TGM3: variants seen among roughly 807,000 people sequenced by gnomAD.
The protein encoded by TGM3 is transglutaminase 3.
TGM3 carries 52 observed loss-of-function variants against 73.8 expected under a neutral mutation model. That is an observed-to-expected ratio of 0.70 (90% confidence interval 0.56 to 0.89). The LOEUF is 0.89. Among genes scored for constraint, TGM3 ranks in the 40% least tolerant of loss-of-function variants. The probability of loss-of-function intolerance (pLI) is 0.00; values close to 1 mark genes in which losing one functional copy is unlikely to be tolerated. For missense variants in TGM3, 928 were observed against 909.9 expected (o/e 1.02, Z -0.26); for synonymous variants, 372 against 354.9 (o/e 1.05, Z -0.54).
chr20:2,340,510 C>T lies in TGM3; in HGVS notation c.2011C>T (p.Leu671=). The change falls in exon 13 of 13, where the codon CTG becomes TTG. Residue 671 remains leucine, a synonymous_variant. Coordinates refer to ENST00000381458, the MANE Select transcript of TGM3 (RefSeq NM_003245.4). ...GCCCTCCCGGAGTGGCACCAAGCAA[C>T]TGCTCGCCGACTTCTCCTGCAACAA... The part of the protein sequence containing the change: ...ILPSRSGTKQ[L]LADFSCNKFP... 1 of 1,614,216 alleles carries T rather than the reference C, an allele frequency of 6.2e-7. No homozygotes were observed. The highest frequency in any genetic ancestry group is 8.5e-7 in the Non-Finnish European group (1 of 1,180,036).
rs577908740 is a variant in TGM3 at position 2,334,673 on chromosome 20, A to G, written c.1643-443A>G. On this transcript the variant is annotated intron_variant, in intron 10 of 12. Transcript: ENST00000381458. The surrounding 1 kb of genome is among the most constrained non-coding windows in gnomAD (Gnocchi z 4.0). The stretch of plus-strand genomic sequence containing the variant: ...CAGAAGGACACTTGTGGCTGGGAGC[A>G]GTGCTCACGCCTGTAATCCCAACAC... Among the ~76,000 whole-genome samples the G allele has an allele frequency of 3.7e-4, 56 of 152,292 alleles. 1 individual carries two copies. Among genetic ancestry groups the G allele is most frequent in the African/African-American group, 1.2e-3 (50 of 41,560 alleles).
In TGM3 at chr20:2,335,205, G is replaced by T. The variant is rs768036691; in HGVS notation, c.1732G>T (p.Val578Phe). The T allele has an allele frequency of 1.5e-5, 25 of 1,614,206 alleles. No homozygotes were observed. The South Asian group carries it at 2.6e-4, about 17-fold the overall frequency. Residue 578 changes from valine to phenylalanine, a missense_variant, in exon 11 of 13, where the codon GTC becomes TTC. Val to Phe is a conservative substitution (Grantham distance 50). Transcript: ENST00000381458. ...GATCCGGATCACAGCGGTGTGCAAG[G>T]TCCCAGATGAGTCTGAGGTGGTGGT... ...NMIRITAVCKVPDESEVVVER... is the reference protein window; with the variant it reads ...NMIRITAVCKFPDESEVVVER...
intron 7 of TGM3, among the ~76,000 whole-genome samples, chr20:2,318,273 C>A (rs1337231358): frequency 6.6e-6 from 1 of 152,192 alleles, no homozygotes; most frequent in Non-Finnish European, 1.5e-5. Flanking sequence ...CCTGCCTCAG[C>A]TTCCCAAAGT....
rs2084302697 is a variant in TGM3 at position 2,328,437 on chromosome 20, G to A, written c.1333+72G>A. On this transcript the variant is annotated intron_variant, in intron 9 of 12. Transcript: ENST00000381458. This position sits in a 1 kb window ranked among gnomAD's most constrained non-coding sequence, Gnocchi z 5.2. ...GGAGGATGGCTCTGAGGCTGGAGAGGAGAAAAGTCCTCACCTCCCCCGCAC... is the reference window on the plus strand; with the variant it reads ...GGAGGATGGCTCTGAGGCTGGAGAGAAGAAAAGTCCTCACCTCCCCCGCAC... 1.3e-6 allele frequency: 2 copies of A among 1,587,212 alleles called. No homozygotes were observed. The highest frequency in any genetic ancestry group is 3.4e-5 in the Admixed American group (2 of 58,470).
At position 2,300,195 on chromosome 20, in the gene TGM3, T is replaced by G. The variant is rs1345135156; in HGVS notation, c.7+4125T>G. On this transcript the variant is annotated intron_variant, in intron 1 of 12. Transcript: ENST00000381458. Reference sequence around the variant, plus strand: ...GAAAAGAAAGAGAAAGAGAAAGAAATAGAAAGAGAAAGAAAGAAAGAGAAG... The same window carrying G: ...GAAAAGAAAGAGAAAGAGAAAGAAAGAGAAAGAGAAAGAAAGAAAGAGAAG... 1.6e-3 allele frequency among the ~76,000 whole-genome samples: 150 copies of G among 94,230 alleles called. 2 individuals carry two copies. Among genetic ancestry groups the G allele is most frequent in the African/African-American group, 5.0e-3 (117 of 23,530 alleles). 61.8% of individuals were successfully genotyped at this position (94,230 alleles called of 152,430 possible). A position where few individuals can be genotyped will look rare whatever the true frequency, so the allele number is the denominator to read the frequency against.
At chr20:2,304,244 T>G (rs1446120551) in intron 1 of TGM3, among the ~76,000 whole-genome samples, 2 of 152,110 alleles carry the variant, frequency 1.3e-5, no homozygotes, top group East Asian at 3.9e-4. Context: ...ACAGGATCAT[T>G]GGATCCTTGA....
chr20:2,313,209 C>A (rs1350925703), intron 5 of TGM3, among the ~76,000 whole-genome samples, 183 bp downstream of exon 5: 1 of 152,208 alleles, frequency 6.6e-6, no homozygotes, highest in East Asian at 1.9e-4. Context: ...ACAGGGCTTG[C>A]CTGAGGCACA....
chr20:2,313,737 T>A (rs1043375200), intron 5 of TGM3, among the ~76,000 whole-genome samples: 1 of 152,142 alleles, frequency 6.6e-6, no homozygotes, highest in African/African-American at 2.4e-5. Context: ...GTAGAGAATA[T>A]CTCCAACCAG....
At chr20:2,329,083 C>T (rs545227617) in intron 9 of TGM3, among the ~76,000 whole-genome samples, 1 of 152,334 alleles carries the variant, frequency 6.6e-6, no homozygotes, top group East Asian at 1.9e-4. Context: ...TTTTTAGAAA[C>T]AGCCAAAAGT....
intron 1 of TGM3, among the ~76,000 whole-genome samples, chr20:2,303,817 C>G (rs1455924296): frequency 6.6e-6 from 1 of 152,112 alleles, no homozygotes; most frequent in African/African-American, 2.4e-5. Flanking sequence ...TGGGAAATTG[C>G]CCCAGGCCTG....
Position 2,317,061 on chromosome 20 carries a change from T to C in TGM3, c.670-7T>C. The C allele has an allele frequency of 4.3e-6, 7 of 1,613,098 alleles. No homozygotes were observed. The highest frequency in any genetic ancestry group is 5.1e-6 in the Non-Finnish European group (6 of 1,179,636). The stretch of plus-strand genomic sequence containing the variant: ...TGACTCATTTTGGGGGGGTGGTTTC[T>C]GCCCAGATCAATAGCAATGATGACA... On this transcript the variant is annotated splice_region_variant and splice_polypyrimidine_tract_variant and intron_variant, in intron 5 of 12. Transcript: ENST00000381458.
chr20:2,315,686 T>C (rs1170292514), intron 5 of TGM3, among the ~76,000 whole-genome samples: 1 of 152,222 alleles, frequency 6.6e-6, no homozygotes, highest in Non-Finnish European at 1.5e-5. Flanking sequence ...AGCCAAAGTT[T>C]CATAAACCCT....
intron 1 of TGM3, among the ~76,000 whole-genome samples, chr20:2,304,379 T>A (rs994907513): frequency 5.3e-5 from 8 of 152,162 alleles, no homozygotes; most frequent in Non-Finnish European, 1.0e-4. Flanking sequence ...CAGCCCCTAC[T>A]CAGGGATGCG....
At chr20:2,337,490 A>G (rs6137715) in intron 11 of TGM3, among the ~76,000 whole-genome samples, 45,031 of 151,948 alleles carry the variant, frequency 0.3, 7,036 homozygotes, top group East Asian at 0.46. Flanking sequence ...AAGCCGAGGC[A>G]GGTGGAGCAC....
chr20:2,317,549 A>G, intron 7 of TGM3, 64 bp downstream of exon 7: 2 of 1,600,702 alleles, frequency 1.2e-6, no homozygotes, highest in Admixed American at 1.7e-5. Flanking sequence ...CGCTCTCACC[A>G]TCCTTCTGGG....
At chr20:2,305,241 C>G (rs2084170823) in intron 1 of TGM3, among the ~76,000 whole-genome samples, 1 of 63,920 alleles carries the variant, frequency 1.6e-5, no homozygotes, top group Non-Finnish European at 4.5e-5. Context: ...GGCTGAAAGT[C>G]CCAAGTCTCT....
Position 2,311,037 on chromosome 20 carries a change from G to A in TGM3, c.448G>A (p.Ala150Thr), listed in dbSNP as rs927545164. The A allele has an allele frequency of 2.8e-5, 45 of 1,614,064 alleles. No homozygotes were observed. In the Middle Eastern group the frequency reaches 8.3e-4, roughly 30 times the overall value. ...GGATAGCGTCTTTATGGGTAACCAC[G>A]CTGAGAGAGAAGAGTATGTTCAGGA... ...NVDSVFMGNHAEREEYVQEDA... is the reference protein window; with the variant it reads ...NVDSVFMGNHTEREEYVQEDA... The change falls in exon 4 of 13, where the codon GCT becomes ACT. Residue 150 changes from alanine to threonine, a missense_variant. Physicochemically the swap from Ala to Thr is moderately conservative, Grantham distance 58. Transcript: ENST00000381458.
At chr20:2,297,278 G>T (rs1377206951) in intron 1 of TGM3, among the ~76,000 whole-genome samples, 1 of 152,200 alleles carries the variant, frequency 6.6e-6, no homozygotes, top group African/African-American at 2.4e-5. Context: ...TCCTACATAA[G>T]TGCACATAAC....
rs184383189 is a variant in TGM3, at chr20:2,324,769, A to C, written c.984-1080A>C. 3.9e-5 allele frequency among the ~76,000 whole-genome samples: 6 copies of C among 152,106 alleles called. No homozygotes were observed. In the East Asian group the frequency reaches 1.2e-3, roughly 29 times the overall value. On this transcript the variant is annotated intron_variant, in intron 7 of 12. Coordinates refer to ENST00000381458, the MANE Select transcript of TGM3 (RefSeq NM_003245.4). ...TTCTTGCTCCATGTACTTTACCCCA[A>C]CTGTGGCCTTTCCTTAGAGCAAACT...
Sources: gnomAD v4.1 joint callset for allele counts (sites outside exome capture counted in the v4.1 genomes callset) on GRCh38, gnomAD v4.1.1 for gene constraint, Gnocchi (gnomAD v3.1) non-coding constraint, MANE v1.5 for transcripts, NCBI Gene and HGNC (gene_info 2026-07-23, HGNC 2026-07-21) for gene names.